Variants in RASEF observed in about 807,000 individuals in gnomAD.
RASEF encodes the protein RAS and EF-hand domain containing.
Under a neutral mutation model 90.1 loss-of-function variants are expected in RASEF, and 68 were observed. The observed-to-expected ratio is 0.75, with a 90% CI of 0.62 to 0.92. The LOEUF (loss-of-function observed/expected upper bound fraction) is 0.92, where lower values mean the gene tolerates loss of function less well. Ranked by LOEUF, RASEF falls within the 40% of genes least tolerant of loss-of-function variation. RASEF has a pLI of 0.00. For synonymous variants in RASEF, 331 were observed against 345.2 expected, an observed-to-expected ratio of 0.96 and a Z score of 0.46; for missense variants, 949 against 937.2, an observed-to-expected ratio of 1.01 and a Z score of -0.16.
chr9:83,017,301 C>T lies in RASEF; in HGVS notation c.670-1401G>A, dbSNP rs531266707. 1.6e-4 allele frequency among the ~76,000 whole-genome samples: 23 copies of T among 147,276 alleles called. No homozygotes were observed. The South Asian group carries it at 1.7e-3, about 11-fold the overall frequency. On this transcript the variant is annotated intron_variant, in intron 3 of 16. Transcript: ENST00000376447. ...GAGACTGAGACCATCCTGGCTAACACGGTGAAACCTCGTCTCTACTAAAAA... is the reference window on the plus strand; with the variant it reads ...GAGACTGAGACCATCCTGGCTAACATGGTGAAACCTCGTCTCTACTAAAAA...
At chr9:83,161,093 G>T in the RASEF span, among the ~76,000 whole-genome samples, 1 of 152,182 alleles carries the variant, frequency 6.6e-6, no homozygotes, top group Non-Finnish European at 1.5e-5. Flanking sequence ...GAAATGTGGG[G>T]TCTGAGCCCC....
the RASEF span, among the ~76,000 whole-genome samples, chr9:83,147,770 C>G: frequency 1.3e-5 from 2 of 152,020 alleles, no homozygotes; most frequent in Non-Finnish European, 2.9e-5. Context: ...ACGGTTAATT[C>G]AGGAGGTTTT....
intron 1 of RASEF, among the ~76,000 whole-genome samples, chr9:83,044,196 A>G (rs894850958): frequency 6.6e-6 from 1 of 152,184 alleles, no homozygotes; most frequent in African/African-American, 2.4e-5. Context: ...TTCCTTTCAC[A>G]GAGCATCTGC....
chr9:83,185,840 T>C, the RASEF span, among the ~76,000 whole-genome samples: 6 of 152,004 alleles, frequency 3.9e-5, no homozygotes. Flanking sequence ...AAGCACACTT[T>C]CTCTCAGCTG....
At chr9:83,166,251 A>C in the RASEF span, among the ~76,000 whole-genome samples, 1 of 152,192 alleles carries the variant, frequency 6.6e-6, no homozygotes, top group Non-Finnish European at 1.5e-5. Flanking sequence ...CATAGCTGCG[A>C]AAGTCCCCGA....
the RASEF span, among the ~76,000 whole-genome samples, chr9:83,215,164 C>T: frequency 6.6e-6 from 1 of 151,864 alleles, no homozygotes; most frequent in African/African-American, 2.4e-5. Context: ...AGATCATCTT[C>T]CCATTCCATC....
chr9:83,012,385 T>C (rs369271098), intron 5 of RASEF, 49 bp downstream of exon 5: 30 of 947,818 alleles, frequency 3.2e-5, no homozygotes, highest in Non-Finnish European at 4.6e-5. Flanking sequence ...AGCATGAGGA[T>C]GTGGTCTAAC....
the RASEF span, among the ~76,000 whole-genome samples, chr9:83,176,436 C>A: frequency 5.4e-3 from 827 of 152,164 alleles, 6 homozygotes; most frequent in African/African-American, 0.019. Context: ...TCTATCCTAT[C>A]TGAAAATCTC....
At chr9:83,195,178 T>G in the RASEF span, among the ~76,000 whole-genome samples, 1 of 152,232 alleles carries the variant, frequency 6.6e-6, no homozygotes, top group South Asian at 2.1e-4. Flanking sequence ...TTCATGCAGC[T>G]ATGTGGCGGG....
intron 1 of RASEF, among the ~76,000 whole-genome samples, chr9:83,028,622 C>A (rs1469099976): frequency 6.6e-6 from 1 of 152,136 alleles, no homozygotes. Flanking sequence ...AGCCATCTCA[C>A]AATTGGAAAA....
At chr9:83,149,592 G>C in the RASEF span, among the ~76,000 whole-genome samples, 1 of 152,174 alleles carries the variant, frequency 6.6e-6, no homozygotes, top group Non-Finnish European at 1.5e-5. Context: ...GGGGCAGACT[G>C]TGCATGGCCT....
At chr9:83,055,512 G>T (rs767130313) in intron 1 of RASEF, 1 of 696,450 alleles carries the variant, frequency 1.4e-6, no homozygotes, top group Admixed American at 2.0e-5. Context: ...CTTCTGCGTC[G>T]CTCACGCTGG....
At chr9:83,008,905 T>A (rs1829183190) in intron 6 of RASEF, among the ~76,000 whole-genome samples, 1 of 116,008 alleles carries the variant, frequency 8.6e-6, no homozygotes, top group Admixed American at 8.3e-5. Context: ...TATATATATA[T>A]ATATATATAT....
the RASEF span, among the ~76,000 whole-genome samples, chr9:83,190,532 AT>A: frequency 6.6e-6 from 1 of 152,158 alleles, no homozygotes; most frequent in African/African-American, 2.4e-5. Context: ...TATTTTACTT[AT>A]GATTATGGAT....
At chr9:82,995,691 C>T (rs1828903108) in intron 14 of RASEF, among the ~76,000 whole-genome samples, 1 of 152,112 alleles carries the variant, frequency 6.6e-6, no homozygotes, top group Non-Finnish European at 1.5e-5. Context: ...AACCATCTGC[C>T]TGCCTTGACT....
intron 1 of RASEF, among the ~76,000 whole-genome samples, chr9:83,053,549 A>T (rs1484763148): frequency 5.5e-5 from 7 of 126,274 alleles, no homozygotes; most frequent in African/African-American, 2.2e-4. Context: ...TTTATATTTA[A>T]AGTTAATATT....
chr9:83,167,805 CATA>C, the RASEF span, among the ~76,000 whole-genome samples: 3 of 152,106 alleles, frequency 2.0e-5, no homozygotes, highest in Non-Finnish European at 4.4e-5. Flanking sequence ...TCTCTGACAG[CATA>C]ATGTTTTCAA....
chr9:83,114,853 C>T, the RASEF span, among the ~76,000 whole-genome samples: 53 of 152,196 alleles, frequency 3.5e-4, no homozygotes, highest in East Asian at 1.9e-4. Flanking sequence ...AATTTCACCA[C>T]GGTCCTGTGG....
chr9:83,009,727 T>C lies in RASEF; in HGVS notation c.873A>G (p.Leu291=). 6.2e-7 allele frequency: 1 copy of C among 1,613,168 alleles called. No individual in the cohort carries two copies. The highest frequency in any genetic ancestry group is 1.3e-5 in the African/African-American group (1 of 75,038). ...MENQKVKKDL[L]EAQTNIAFLQ... Reference sequence around the variant, plus strand: ...GAAAGGCTATGTTTGTCTGTGCTTCTAAAAGGTCTTTCTTAACTTTCTGGT... The same window carrying C: ...GAAAGGCTATGTTTGTCTGTGCTTCCAAAAGGTCTTTCTTAACTTTCTGGT... The change falls in exon 6 of 17, where the codon TTA becomes TTG. Residue 291 remains leucine, a synonymous_variant. Coordinates refer to ENST00000376447, the MANE Select transcript of RASEF (RefSeq NM_152573.4).
Sources: allele counts gnomAD v4.1 joint callset (sites outside exome capture counted in the v4.1 genomes callset), GRCh38; gene constraint gnomAD v4.1.1; transcripts MANE v1.5; gene names NCBI Gene and HGNC (gene_info 2026-07-23, HGNC 2026-07-21).